Variants in NFIA observed in about 807,000 individuals in gnomAD.
NFIA encodes nuclear factor I A.
Under a neutral mutation model 62.8 loss-of-function variants are expected in NFIA, and 8 were observed. The observed-to-expected ratio is 0.13, with a 90% CI of 0.07 to 0.23. The LOEUF is 0.23. Among genes scored for constraint, NFIA ranks in the 10% least tolerant of loss-of-function variants. The pLI is 1.00. For synonymous variants in NFIA, 235 were observed against 238.1 expected, an observed-to-expected ratio of 0.99 and a Z score of 0.12; for missense variants, 410 against 642.1, an observed-to-expected ratio of 0.64 and a Z score of 3.91.
chr1:61,199,862 G>A (rs1370204187), intron 2 of NFIA, among the ~76,000 whole-genome samples: 1 of 151,320 alleles, frequency 6.6e-6, no homozygotes, highest in African/African-American at 2.4e-5. Context: ...GGGCGTGGTT[G>A]TGCGTGCCTG....
intron 2 of NFIA, among the ~76,000 whole-genome samples, chr1:61,094,647 C>T (rs1264213039): frequency 6.6e-6 from 1 of 152,124 alleles, no homozygotes; most frequent in African/African-American, 2.4e-5. Context: ...AAATTTTTGG[C>T]TCTTTCCCAG....
intron 3 of NFIA, among the ~76,000 whole-genome samples, chr1:61,298,257 C>A (rs575842022): frequency 2.0e-5 from 3 of 152,066 alleles, no homozygotes; most frequent in Non-Finnish European, 1.5e-5. Flanking sequence ...TGCCTGCCAC[C>A]GTGTAAGATG....
intron 3 of NFIA, among the ~76,000 whole-genome samples, chr1:61,330,608 C>T (rs1661251087): frequency 6.6e-6 from 1 of 152,140 alleles, no homozygotes; most frequent in Non-Finnish European, 1.5e-5. Context: ...ATTCCCAAGT[C>T]CTTGCACCTA....
upstream of NFIA, among the ~76,000 whole-genome samples, chr1:61,080,859 G>A (rs1646086446): frequency 6.6e-6 from 1 of 152,198 alleles, no homozygotes; most frequent in Non-Finnish European, 1.5e-5. Context: ...ACTTTAGACA[G>A]ATGCAGAATT....
chr1:61,229,750 G>A (rs193020594), intron 2 of NFIA, among the ~76,000 whole-genome samples: 1 of 152,106 alleles, frequency 6.6e-6, no homozygotes, highest in East Asian at 1.9e-4. Context: ...TGGGATACAG[G>A]TGTGAAAACC....
chr1:61,271,124 G>A (rs998578395), intron 2 of NFIA, among the ~76,000 whole-genome samples: 7 of 152,192 alleles, frequency 4.6e-5, no homozygotes, highest in African/African-American at 1.7e-4. Context: ...TACTTTCAGA[G>A]TGACTGAATT....
chr1:61,348,472 AG>A (rs1662366751), intron 4 of NFIA, among the ~76,000 whole-genome samples: 1 of 152,226 alleles, frequency 6.6e-6, no homozygotes, highest in South Asian at 2.1e-4. Flanking sequence ...GGGACGTGCC[AG>A]GCCACCTGGT....
chr1:61,306,568 C>T (rs925773890), intron 3 of NFIA, among the ~76,000 whole-genome samples: 4 of 152,176 alleles, frequency 2.6e-5, no homozygotes, highest in African/African-American at 7.2e-5. Flanking sequence ...CAAATAGCAG[C>T]TGTAGGATTT....
At chr1:61,242,849 C>A (rs1655423889) in intron 2 of NFIA, among the ~76,000 whole-genome samples, 1 of 151,462 alleles carries the variant, frequency 6.6e-6, no homozygotes, top group Non-Finnish European at 1.5e-5. Flanking sequence ...GTAGTGGAAT[C>A]AGCTAGGGAT....
chr1:61,414,566 A>G (rs558769063), intron 9 of NFIA, among the ~76,000 whole-genome samples: 30 of 151,094 alleles, frequency 2.0e-4, no homozygotes, highest in Middle Eastern at 3.4e-3. Context: ...TGAAAACCCA[A>G]TGGGAGAAAT....
chr1:61,134,450 C>T (rs915521949), intron 2 of NFIA, among the ~76,000 whole-genome samples: 3 of 152,072 alleles, frequency 2.0e-5, no homozygotes, highest in Non-Finnish European at 4.4e-5. Context: ...TAGTGGAAAG[C>T]GGGGTCTGCT....
chr1:61,368,294 T>C (rs2100459210), intron 6 of NFIA, among the ~76,000 whole-genome samples: 1 of 152,250 alleles, frequency 6.6e-6, no homozygotes, highest in South Asian at 2.1e-4. Flanking sequence ...CCCCCGTGGC[T>C]CAGGTGGCCA....
At chr1:61,300,646 T>C (rs1213357029) in intron 3 of NFIA, among the ~76,000 whole-genome samples, 2 of 151,944 alleles carry the variant, frequency 1.3e-5, no homozygotes, top group Non-Finnish European at 2.9e-5. Context: ...CATATACACA[T>C]ATATATATGT....
At chr1:61,081,893 G>A (rs1646099859), upstream of NFIA, 4 of 1,545,700 alleles carry the variant, frequency 2.6e-6, no homozygotes, top group Non-Finnish European at 3.5e-6. Flanking sequence ...CATTTCAGTG[G>A]GGGAAAAAAA....
chr1:61,082,119 C>G (rs577435946), upstream of NFIA: 518 of 1,295,980 alleles, frequency 4.0e-4, 1 homozygote, highest in African/African-American at 7.1e-3. Context: ...TTAAGCACAT[C>G]CTGTGGCAGC....
chr1:61,180,699 G>C (rs2100560637), intron 2 of NFIA, among the ~76,000 whole-genome samples: 1 of 152,190 alleles, frequency 6.6e-6, no homozygotes, highest in Admixed American at 6.5e-5. Context: ...GGTCTGATGG[G>C]GTCATGGTAA....
At chr1:61,278,320 CAG>C (rs1422648360) in intron 3 of NFIA, among the ~76,000 whole-genome samples, 6 of 152,158 alleles carry the variant, frequency 3.9e-5, no homozygotes, top group African/African-American at 1.2e-4. Flanking sequence ...TCAATAAAAA[CAG>C]AGACTTCAGT....
chr1:61,453,003 C>A (rs753960585), intron 10 of NFIA, among the ~76,000 whole-genome samples: 1 of 152,082 alleles, frequency 6.6e-6, no homozygotes, highest in African/African-American at 2.4e-5. Context: ...ATCCACCCCC[C>A]AAAAGAAAAG....
intron 10 of NFIA, among the ~76,000 whole-genome samples, chr1:61,433,118 A>T (rs1241824326): frequency 2.6e-5 from 4 of 152,208 alleles, no homozygotes; most frequent in African/African-American, 9.7e-5. Flanking sequence ...AGATTGACTC[A>T]CACTCTTATA....
Sources: allele counts gnomAD v4.1 joint callset (sites outside exome capture counted in the v4.1 genomes callset), GRCh38; gene constraint gnomAD v4.1.1; transcripts MANE v1.5; gene names NCBI Gene and HGNC (gene_info 2026-07-23, HGNC 2026-07-21).